The following CDC25B variants were observed in gnomAD, a reference collection of about 807,000 sequenced individuals.
CDC25B encodes M-phase inducer phosphatase 2.
Under a neutral mutation model 69.8 loss-of-function variants are expected in CDC25B, and 33 were observed. The ratio of observed to expected loss-of-function variants is 0.47; its 90% CI spans 0.36 to 0.63. The LOEUF (loss-of-function observed/expected upper bound fraction) is 0.63. Ranked by LOEUF, CDC25B falls within the 30% of genes least tolerant of loss-of-function variation. The pLI is 0.00. For synonymous variants in CDC25B, 341 were observed against 314.6 expected (o/e 1.08, Z -0.89); for missense variants, 727 against 809.1 (o/e 0.90, Z 1.23).
chr20:3,803,282 G>A lies in CDC25B; in HGVS notation c.1356+76G>A. ...CCTTGCTTTGCCAAGAGGGTGAATGGGTGGAGGACGGGTGCCCCCTCTCAT... is the reference window on the plus strand; with the variant it reads ...CCTTGCTTTGCCAAGAGGGTGAATGAGTGGAGGACGGGTGCCCCCTCTCAT... On this transcript the variant is annotated intron_variant, in intron 13 of 15. Transcript: ENST00000245960. The surrounding 1 kb of genome is among the most constrained non-coding windows in gnomAD (Gnocchi z 4.9). The A allele has an allele frequency of 1.3e-6, 2 of 1,568,324 alleles. No homozygotes were observed. The highest frequency in any genetic ancestry group is 1.7e-6 in the Non-Finnish European group (2 of 1,143,452).
At chr20:3,802,595 TC>T in intron 11 of CDC25B, 3 of 600,454 alleles carry the variant, frequency 5.0e-6, no homozygotes, top group Non-Finnish European at 8.9e-6. Flanking sequence ...CTGTTGAGTC[TC>T]CGTCTTATTT....
At chr20:3,801,665 G>C in intron 8 of CDC25B, 57 bp from the exon 9 acceptor site, 1 of 1,366,006 alleles carries the variant, frequency 7.3e-7, no homozygotes, top group Non-Finnish European at 1.0e-6. Flanking sequence ...TCCGGGACTG[G>C]AGGGGTTTGG....
upstream of CDC25B, chr20:3,795,705 T>TC: frequency 1.0e-6 from 1 of 985,456 alleles, no homozygotes; most frequent in Non-Finnish European, 1.2e-6. Flanking sequence ...CCCTCCCACC[T>TC]CCTACGCTGG....
intron 1 of CDC25B, chr20:3,787,247 T>A (rs1600370111): frequency 1.9e-6 from 1 of 530,114 alleles, no homozygotes; most frequent in East Asian, 3.2e-5. Flanking sequence ...ACTGTATATC[T>A]GGCATCTCCT....
upstream of CDC25B, among the ~76,000 whole-genome samples, chr20:3,795,366 A>AC (rs397795160): frequency 4.6e-5 from 4 of 87,054 alleles, no homozygotes; most frequent in African/African-American, 9.6e-5. Context: ...CCCAAAAAAA[A>AC]CAAAACAAAA....
At chr20:3,796,779 G>A (rs1461456450) in intron 1 of CDC25B, 48 bp downstream of exon 1, 2 of 1,520,918 alleles carry the variant, frequency 1.3e-6, no homozygotes, top group South Asian at 2.4e-5. Context: ...GGCTAGGTCT[G>A]GAGTCCTGGG....
Position 3,797,721 on chromosome 20 carries a change from G to C in CDC25B, c.300G>C (p.Ser100=). The change falls in exon 2 of 16, where the codon TCG becomes TCC. Residue 100 remains serine (S), a synonymous_variant. Transcript: ENST00000245960. ...GACGGGCATCCGAATCCTCCCTGTC[G>C]TCTGAATCCTCCGAATCTTCTGATG... ...LSRRASESSL[S]SESSESSDAG... The C allele has an allele frequency of 6.2e-7, 1 of 1,614,036 alleles. No individual in the cohort carries two copies. Among genetic ancestry groups the C allele is most frequent in the East Asian group, 2.2e-5 (1 of 44,884 alleles).
intron 2 of CDC25B, among the ~76,000 whole-genome samples, chr20:3,798,181 C>T (rs1029224439): frequency 3.3e-5 from 5 of 152,128 alleles, no homozygotes; most frequent in African/African-American, 7.2e-5. Flanking sequence ...GGTTTAAAGA[C>T]GCATATGAAG....
intron 1 of CDC25B, 106 bp downstream of exon 1, chr20:3,796,837 G>C: frequency 1.4e-6 from 2 of 1,404,858 alleles, no homozygotes; most frequent in South Asian, 2.8e-5. Context: ...GGTGGAGTCC[G>C]GGGAGGCATC....
rs754545392 is a variant in CDC25B, at chr20:3,798,444, C to G, written c.361C>G (p.Pro121Ala). The stretch of plus-strand genomic sequence containing the variant: ...CATGGATTCCCCCAGCCCTATGGAC[C>G]CCCACATGGCGGAGCAGACGTGAGT... ...LCMDSPSPMD[P>A]HMAEQTFEQA... The change falls in exon 3 of 16, where the codon CCC becomes GCC. Residue 121 changes from proline to alanine, a missense_variant. Pro to Ala is a conservative substitution (Grantham distance 27). This residue lies in a region of CDC25B where 368 missense variants were observed against 345.6 expected (regional missense o/e 1.06). Transcript: ENST00000245960. 2 of 1,598,406 alleles carry G rather than the reference C, an allele frequency of 1.3e-6. No individual in the cohort carries two copies. The highest frequency in any genetic ancestry group is 1.7e-6 in the Non-Finnish European group (2 of 1,172,050).
chr20:3,803,362 C>G lies in CDC25B; in HGVS notation c.1357-42C>G, dbSNP rs1232503696. The stretch of plus-strand genomic sequence containing the variant: ...CGACTGCACGGGGAGGGCCCTGACT[C>G]CTGGACCCGGGGCTGTGCCTGACCT... On this transcript the variant is annotated intron_variant, in intron 13 of 15. Coordinates refer to ENST00000245960, the MANE Select transcript of CDC25B (RefSeq NM_021873.4). The surrounding 1 kb of genome is among the most constrained non-coding windows in gnomAD (Gnocchi z 4.9). 1 of 1,613,686 alleles carries G rather than the reference C, an allele frequency of 6.2e-7. No homozygotes were observed. Among genetic ancestry groups the G allele is most frequent in the Admixed American group, 1.7e-5 (1 of 59,986 alleles).
chr20:3,801,700 G>T, intron 8 of CDC25B, 22 bp from the exon 9 acceptor site: 1 of 1,569,168 alleles, frequency 6.4e-7, no homozygotes, highest in Non-Finnish European at 8.6e-7. Flanking sequence ...TTGTGACCCT[G>T]TCCTTGCTAA....
At chr20:3,792,836 G>T (rs1254164230), upstream of CDC25B, among the ~76,000 whole-genome samples, 1 of 152,072 alleles carries the variant, frequency 6.6e-6, no homozygotes, top group Non-Finnish European at 1.5e-5. Flanking sequence ...TAGAGACAAG[G>T]TTTCACCATA....
At chr20:3,795,729 G>A, upstream of CDC25B, 3 of 985,558 alleles carry the variant, frequency 3.0e-6, no homozygotes, top group South Asian at 1.4e-4. Flanking sequence ...CTTCTCCTGC[G>A]AATGACGTTT....
Position 3,800,790 on chromosome 20 carries a change from C to T in CDC25B, c.507C>T (p.Ser169=). 1 of 1,612,490 alleles carries T rather than the reference C, an allele frequency of 6.2e-7. No individual in the cohort carries two copies. Among genetic ancestry groups the T allele is most frequent in the Non-Finnish European group, 8.5e-7 (1 of 1,180,036 alleles). ...HSPVLRNITN[S]QAPDGRRKSE... Reference sequence around the variant, plus strand: ...CCGTGCTTCGGAACATCACCAACTCCCAGGCGCCCGACGGCCGGAGGAAGA... The same window carrying T: ...CCGTGCTTCGGAACATCACCAACTCTCAGGCGCCCGACGGCCGGAGGAAGA... Residue 169 remains serine (S), a synonymous_variant, in exon 6 of 16, where the codon TCC becomes TCT. Coordinates refer to ENST00000245960, the MANE Select transcript of CDC25B (RefSeq NM_021873.4).
At chr20:3,804,719 G>T (rs1344484779) in intron 15 of CDC25B, 39 bp downstream of exon 15, 1 of 1,467,716 alleles carries the variant, frequency 6.8e-7, no homozygotes, top group East Asian at 2.7e-5. Flanking sequence ...CTGTGTGAGG[G>T]TTGGCTTGGC....
exon 1 of CDC25B, chr20:3,787,085 T>C (rs2088838377): frequency 1.7e-6 from 1 of 603,840 alleles, no homozygotes; most frequent in Non-Finnish European, 2.9e-6. Flanking sequence ...TTGCGGAACC[T>C]GAAAAATTCA....
rs1271279793 is a variant in CDC25B at position 3,796,475 on chromosome 20, GT to G, written c.-54del. ...CCTCGGCCCAGCCAGCTGTGCCGGC[GT>G]TTGTTGGCTGCCCTGCGCCCGGCCC... On this transcript the variant is annotated 5_prime_UTR_variant, in exon 1 of 16. Coordinates refer to ENST00000245960, the MANE Select transcript of CDC25B (RefSeq NM_021873.4). The G allele has an allele frequency of 2.1e-6, 3 of 1,439,010 alleles. No individual in the cohort carries two copies. Among genetic ancestry groups the G allele is most frequent in the Non-Finnish European group, 2.7e-6 (3 of 1,102,908 alleles). 89.1% of individuals were successfully genotyped at this position (1,439,010 alleles called of 1,614,324 possible).
intron 2 of CDC25B, 95 bp downstream of exon 2, chr20:3,797,844 A>T: frequency 2.7e-6 from 4 of 1,456,294 alleles, no homozygotes; most frequent in East Asian, 2.3e-5. Flanking sequence ...TCAAACTAAC[A>T]TCCTCCCCAC....
Sources: allele counts gnomAD v4.1 joint callset (sites outside exome capture counted in the v4.1 genomes callset), GRCh38; gene constraint gnomAD v4.1.1; regional missense constraint gnomAD v4.1.1; non-coding constraint Gnocchi (gnomAD v3.1); transcripts MANE v1.5; gene names NCBI Gene and HGNC (gene_info 2026-07-23, HGNC 2026-07-21).